The following SVOPL variants were observed in gnomAD, a reference collection of about 807,000 sequenced individuals.
SVOPL encodes the protein SVOP like, also known as putative transporter SVOPL.
SVOPL carries 60 observed loss-of-function variants against 61.0 expected under a neutral mutation model. That is an observed-to-expected ratio of 0.98 (90% confidence interval 0.80 to 1.22). SVOPL has a LOEUF of 1.22. Ranked by LOEUF, SVOPL falls within the 50% of genes most tolerant of loss-of-function variation. The pLI, the probability that SVOPL is intolerant of heterozygous loss-of-function variation, is 0.00. For missense variants in SVOPL, 662 were observed against 643.9 expected (o/e 1.03, Z -0.30); for synonymous variants, 279 against 250.0 (o/e 1.12, Z -1.09).
intron 4 of SVOPL, among the ~76,000 whole-genome samples, chr7:138,664,812 CGGCGCTCGA>C (rs1802187243): frequency 7.4e-6 from 1 of 135,736 alleles, no homozygotes; most frequent in Admixed American, 7.4e-5. Flanking sequence ...TCCGCCACCC[CGGCGCTCGA>C]CCCTTCCCCC....
intron 7 of SVOPL, among the ~76,000 whole-genome samples, chr7:138,652,551 T>A (rs1260130971): frequency 1.3e-5 from 2 of 152,158 alleles, no homozygotes; most frequent in Admixed American, 6.6e-5. Context: ...TGTCGAAAGC[T>A]GAGGTAAGCC....
intron 1 of SVOPL, among the ~76,000 whole-genome samples, chr7:138,696,944 G>C (rs921018289): frequency 5.9e-5 from 9 of 152,162 alleles, no homozygotes; most frequent in Non-Finnish European, 1.0e-4. Flanking sequence ...TCAGGGATAG[G>C]CACTTGACCT....
intron 9 of SVOPL, among the ~76,000 whole-genome samples, chr7:138,631,803 A>C (rs1254619609): frequency 6.6e-6 from 1 of 152,068 alleles, no homozygotes; most frequent in East Asian, 1.9e-4. Context: ...TCCTGACTTC[A>C]AGTGATCCAC....
chr7:138,678,562 G>T lies in SVOPL; in HGVS notation c.83-37C>A, dbSNP rs942370850. 2.3e-5 allele frequency: 36 copies of T among 1,545,312 alleles called. No homozygotes were observed. The African/African-American group carries it at 4.1e-4, about 18-fold the overall frequency. Reference sequence around the variant, plus strand: ...AGACAAAGTGGAAAAAATTGCTTCTGCAGGGAAGGGAATGCGTGTGGACTA... The same window carrying T: ...AGACAAAGTGGAAAAAATTGCTTCTTCAGGGAAGGGAATGCGTGTGGACTA... On this transcript the variant is annotated intron_variant, in intron 2 of 15. Coordinates refer to ENST00000674285, the MANE Select transcript of SVOPL (RefSeq NM_001139456.2).
intron 14 of SVOPL, among the ~76,000 whole-genome samples, chr7:138,617,068 A>C (rs1799332910): frequency 6.6e-6 from 1 of 152,196 alleles, no homozygotes; most frequent in South Asian, 2.1e-4. Flanking sequence ...TCCCAGGTTC[A>C]AGCGATTCTT....
At chr7:138,641,656 A>G (rs1433997502) in intron 9 of SVOPL, among the ~76,000 whole-genome samples, 1 of 126,060 alleles carries the variant, frequency 7.9e-6, no homozygotes, top group African/African-American at 2.8e-5. Context: ...GGATGACAAG[A>G]GCGAAACTCC....
chr7:138,683,000 C>T lies in SVOPL; in HGVS notation c.-34-3921G>A, dbSNP rs1172900634. 1.4e-5 allele frequency among the ~76,000 whole-genome samples: 2 copies of T among 140,460 alleles called. 1 individual carries two copies. Among genetic ancestry groups the T allele is most frequent in the South Asian group, 4.5e-4 (2 of 4,474 alleles). 92.1% of individuals were successfully genotyped at this position (140,460 alleles called of 152,430 possible). A position where few individuals can be genotyped will look rare whatever the true frequency, so the allele number is the denominator to read the frequency against. ...AAAAAAAAGAAAAAAAAAAGAAAAACAGCAATGTGAGAGAGATATAGATAC... is the reference window on the plus strand; with the variant it reads ...AAAAAAAAGAAAAAAAAAAGAAAAATAGCAATGTGAGAGAGATATAGATAC... On this transcript the variant is annotated intron_variant, in intron 1 of 15. Transcript: ENST00000674285.
intron 7 of SVOPL, among the ~76,000 whole-genome samples, chr7:138,655,708 ATATAC>A (rs1379697425): frequency 3.3e-5 from 5 of 149,828 alleles, no homozygotes; most frequent in African/African-American, 7.3e-5. Flanking sequence ...TTAGTGTAAT[ATATAC>A]TATATTTGTG....
At chr7:138,689,359 G>T in intron 1 of SVOPL, 2 of 1,588,400 alleles carry the variant, frequency 1.3e-6, no homozygotes, top group East Asian at 2.2e-5. Context: ...AAGATGCGCC[G>T]CCGGATCGAC....
intron 1 of SVOPL, among the ~76,000 whole-genome samples, chr7:138,689,860 A>AG (rs1374259498): frequency 6.6e-6 from 1 of 151,666 alleles, no homozygotes; most frequent in Non-Finnish European, 1.5e-5. Context: ...CCGTCTCAAA[A>AG]AAAAAAAAAA....
intron 1 of SVOPL, among the ~76,000 whole-genome samples, chr7:138,685,224 G>A (rs1044950361): frequency 6.6e-6 from 1 of 152,090 alleles, no homozygotes; most frequent in African/African-American, 2.4e-5. Context: ...GAGTCACTGT[G>A]CCCGGCCACA....
intron 4 of SVOPL, among the ~76,000 whole-genome samples, chr7:138,668,072 T>C (rs1280245849): frequency 3.3e-5 from 5 of 152,168 alleles, no homozygotes; most frequent in African/African-American, 1.2e-4. Flanking sequence ...ATTTTGCAGA[T>C]GGTGCTCTTG....
chr7:138,644,957 G>A (rs1801022975), intron 8 of SVOPL, 112 bp from the exon 9 acceptor site: 1 of 1,411,816 alleles, frequency 7.1e-7, no homozygotes, highest in South Asian at 1.3e-5. Flanking sequence ...GGAAAAGTAT[G>A]TAACCAGCTT....
intron 14 of SVOPL, among the ~76,000 whole-genome samples, chr7:138,618,089 C>T (rs1458810316): frequency 6.6e-6 from 1 of 152,152 alleles, no homozygotes; most frequent in Non-Finnish European, 1.5e-5. Flanking sequence ...TTCCCAGATT[C>T]GAAACCTCCC....
Position 138,630,074 on chromosome 7 carries a change from T to C in SVOPL, c.838A>G (p.Thr280Ala), listed in dbSNP as rs1800103533. The C allele has an allele frequency of 6.2e-7, 1 of 1,613,854 alleles. No individual in the cohort carries two copies. The highest frequency in any genetic ancestry group is 1.1e-5 in the South Asian group (1 of 91,080). Residue 280 changes from threonine to alanine, a missense_variant, in exon 10 of 16, where the codon ACC becomes GCC. Physicochemically the swap from Thr to Ala is moderately conservative, Grantham distance 58. Coordinates refer to ENST00000674285, the MANE Select transcript of SVOPL (RefSeq NM_001139456.2). ...ADLLDAKYLR[T>A]TLQIWVIWLG... ...CATATGACCCAGATCTGTAATGTGGTCCGTAAATATTTAGCATCCAATAGG... is the reference window on the plus strand; with the variant it reads ...CATATGACCCAGATCTGTAATGTGGCCCGTAAATATTTAGCATCCAATAGG...
At chr7:138,664,212 G>A (rs1196261536) in intron 4 of SVOPL, 1 of 948,108 alleles carries the variant, frequency 1.1e-6, no homozygotes, top group African/African-American at 2.2e-5. Flanking sequence ...CCTTCTACCT[G>A]GAAGACGTCC....
Position 138,649,148 on chromosome 7 carries a change from A to G in SVOPL, c.535-11T>C. 1 of 1,604,370 alleles carries G rather than the reference A, an allele frequency of 6.2e-7. No individual in the cohort carries two copies. The highest frequency in any genetic ancestry group is 1.1e-5 in the South Asian group (1 of 89,296). On this transcript the variant is annotated splice_polypyrimidine_tract_variant and intron_variant, in intron 7 of 15. Transcript: ENST00000674285. ...CGCAAGCCAGAACACCTAGGAAGAG[A>G]GAAGTCCAGGATTAAAGTTCTTTGG...
chr7:138,689,222 TTGG>T (rs1023996690), intron 1 of SVOPL: 3 of 1,423,120 alleles, frequency 2.1e-6, no homozygotes, highest in African/African-American at 2.8e-5. Flanking sequence ...GGACACAAGG[TTGG>T]TGGCCCAAAA....
intron 13 of SVOPL, among the ~76,000 whole-genome samples, chr7:138,624,820 C>T (rs1799823050): frequency 6.6e-6 from 1 of 151,990 alleles, no homozygotes. Context: ...GCCTCAGCCT[C>T]CCCTTCCTAA....
Sources: gnomAD v4.1 joint callset for allele counts (sites outside exome capture counted in the v4.1 genomes callset) on GRCh38, gnomAD v4.1.1 for gene constraint, MANE v1.5 for transcripts, NCBI Gene and HGNC (gene_info 2026-07-23, HGNC 2026-07-21) for gene names.